The following RASA3 variants were observed in gnomAD, a reference collection of about 807,000 sequenced individuals.
RASA3 encodes RAS p21 protein activator 3.
Under a neutral mutation model 110.0 loss-of-function variants are expected in RASA3, and 73 were observed. The observed-to-expected ratio is 0.66, with a 90% CI of 0.55 to 0.81. The LOEUF is 0.81. Ranked by LOEUF, RASA3 falls within the 30% of genes least tolerant of loss-of-function variation. The pLI is 0.00. For synonymous variants in RASA3, 500 were observed against 451.4 expected (o/e 1.11, Z -1.37); for missense variants, 976 against 1,113.2 (o/e 0.88, Z 1.75).
At chr13:114,113,683 C>T (rs2080245673) in intron 1 of RASA3, among the ~76,000 whole-genome samples, 1 of 96,328 alleles carries the variant, frequency 1.0e-5, no homozygotes, top group Non-Finnish European at 2.1e-5. Flanking sequence ...GAGTGATGTC[C>T]GTACAGCTCA....
intron 8 of RASA3, 51 bp from the exon 9 acceptor site, chr13:114,021,559 G>A (rs2053927926): frequency 6.9e-7 from 1 of 1,453,824 alleles, no homozygotes; most frequent in East Asian, 2.3e-5. Context: ...AGCCCGTGTG[G>A]AGCAAAGATG....
rs1166612067 is a variant in RASA3, at chr13:114,096,686, C to T, written c.56-22849G>A. On this transcript the variant is annotated intron_variant, in intron 1 of 23. Transcript: ENST00000334062. This position sits in a 1 kb window ranked among gnomAD's most constrained non-coding sequence, Gnocchi z 5.1. The stretch of plus-strand genomic sequence containing the variant: ...AATACTGTAGCACCACACTGACTAG[C>T]GTGCGGGTCTCCACCACAGTTATGA... Among the ~76,000 whole-genome samples, 1 of 152,136 alleles carries T rather than the reference C, an allele frequency of 6.6e-6. No individual in the cohort carries two copies. The highest frequency in any genetic ancestry group is 1.5e-5 in the Non-Finnish European group (1 of 68,018).
intron 3 of RASA3, among the ~76,000 whole-genome samples, chr13:114,042,954 C>T (rs901692601): frequency 1.3e-5 from 2 of 152,224 alleles, no homozygotes; most frequent in African/African-American, 2.4e-5. Context: ...TGCCTTCCTG[C>T]CAGCGTTCCT....
rs117129845 is a variant in RASA3, at chr13:114,018,459, G to A, written c.943-207C>T. Among the ~76,000 whole-genome samples, 1,045 of 152,222 alleles carry A rather than the reference G, an allele frequency of 6.9e-3. 11 individuals carry two copies. The highest frequency in any genetic ancestry group is 0.012 in the Non-Finnish European group (846 of 67,994). On this transcript the variant is annotated intron_variant, in intron 10 of 23. Transcript: ENST00000334062. ...AGGGGCATCTGCACCTCCTTCTAGC[G>A]ACCCCCCCATGCAGCCAGCTCTAGG...
At chr13:113,999,448 G>A (rs947785647) in intron 20 of RASA3, 137 bp downstream of exon 20, 42 of 683,268 alleles carry the variant, frequency 6.1e-5, no homozygotes, top group Admixed American at 3.0e-4. Context: ...TGAACAACCC[G>A]AGTAACACGA....
intron 21 of RASA3, among the ~76,000 whole-genome samples, chr13:113,995,943 GGCTAATGGGGGGCCCGGCTGAT>G: frequency 2.0e-5 from 1 of 50,000 alleles, no homozygotes; most frequent in African/African-American, 1.5e-4. Flanking sequence ...GGGGGGGCCC[GGCTAATGGGGGGCCCGGCTGAT>G]GGGGGACCCG....
Position 114,056,931 on chromosome 13 carries a change from C to T in RASA3, c.174-4776G>A, listed in dbSNP as rs1186516331. Reference sequence around the variant, plus strand: ...TGGCTTTAGAACCTTGCTCCTGAATCGCAGCAGGGGAGGCAGCGCTTTGGG... The same window carrying T: ...TGGCTTTAGAACCTTGCTCCTGAATTGCAGCAGGGGAGGCAGCGCTTTGGG... On this transcript the variant is annotated intron_variant, in intron 2 of 23. Coordinates refer to ENST00000334062, the MANE Select transcript of RASA3 (RefSeq NM_007368.4). This position sits in a 1 kb window ranked among gnomAD's most constrained non-coding sequence, Gnocchi z 5.7. Among the ~76,000 whole-genome samples the T allele has an allele frequency of 1.3e-5, 2 of 152,120 alleles. No homozygotes were observed. Among genetic ancestry groups the T allele is most frequent in the South Asian group, 2.1e-4 (1 of 4,818 alleles).
intron 1 of RASA3, among the ~76,000 whole-genome samples, chr13:114,130,557 G>A (rs2080502887): frequency 1.3e-5 from 2 of 151,878 alleles, no homozygotes. Flanking sequence ...TCGGAAGTGG[G>A]GCCGAGTGCC....
rs1042414045 is a variant in RASA3 at position 114,115,566 on chromosome 13, T to G, written c.55+16869A>C. Among the ~76,000 whole-genome samples, 1 of 152,190 alleles carries G rather than the reference T, an allele frequency of 6.6e-6. No individual in the cohort carries two copies. Among genetic ancestry groups the G allele is most frequent in the African/African-American group, 2.4e-5 (1 of 41,432 alleles). ...AGCCGTCGGAGGCAGAGTGCAGGCC[T>G]CGAAGCAGCTGGTCATGTCCACGCC... On this transcript the variant is annotated intron_variant, in intron 1 of 23. Transcript: ENST00000334062. The surrounding 1 kb of genome is among the most constrained non-coding windows in gnomAD (Gnocchi z 5.0).
rs2139017258 is a variant in RASA3 at position 113,979,046 on chromosome 13, G to C, written c.*301C>G. 1 of 432,108 alleles carries C rather than the reference G, an allele frequency of 2.3e-6. No individual in the cohort carries two copies. Among genetic ancestry groups the C allele is most frequent in the South Asian group, 2.5e-5 (1 of 40,376 alleles). The allele number at this position is 432,108 out of a possible 1,614,324, so 26.8% of individuals were successfully genotyped here. On this transcript the variant is annotated 3_prime_UTR_variant, in exon 24 of 24. Coordinates refer to ENST00000334062, the MANE Select transcript of RASA3 (RefSeq NM_007368.4). ...GCTCCCTGAGGCTGGCTGTGGTGTG[G>C]CTAGGGCACAGCCCACACTTCCTGA...
chr13:114,041,172 T>C (rs2054398062), intron 3 of RASA3, 78 bp from the exon 4 acceptor site: 1 of 1,191,390 alleles, frequency 8.4e-7, no homozygotes. Flanking sequence ...AGCCAGCCCA[T>C]CATCACCGCA....
At chr13:114,027,774 G>A in intron 6 of RASA3, 73 bp downstream of exon 6, 1 of 1,441,586 alleles carries the variant, frequency 6.9e-7, no homozygotes. Flanking sequence ...ATGAGGCAGT[G>A]GTCTCGTGAT....
chr13:114,009,733 G>C (rs537594312), intron 16 of RASA3, among the ~76,000 whole-genome samples: 32 of 152,364 alleles, frequency 2.1e-4, no homozygotes, highest in Admixed American at 6.5e-4. Context: ...CCTGGCCCCG[G>C]GCTGTCCCTC....
rs542640904 is a variant in RASA3 at position 114,061,827 on chromosome 13, G to A, written c.174-9672C>T. On this transcript the variant is annotated intron_variant, in intron 2 of 23. Coordinates refer to ENST00000334062, the MANE Select transcript of RASA3 (RefSeq NM_007368.4). The stretch of plus-strand genomic sequence containing the variant: ...AGAGGGTTTCTGGTGCCCTATCCAC[G>A]GAGGCGGCAGTGGGATTCAGCCGTC... Among the ~76,000 whole-genome samples the A allele has an allele frequency of 6.6e-5, 10 of 152,306 alleles. 1 individual carries two copies. The highest frequency in any genetic ancestry group is 3.4e-3 in the Middle Eastern group (1 of 294).
In RASA3 at chr13:113,995,786, AC is replaced by A. The variant is rs1319120330; in HGVS notation, c.2141+744del. Among the ~76,000 whole-genome samples, 52 of 14,730 alleles carry A rather than the reference AC, an allele frequency of 3.5e-3. 11 individuals are homozygous for A. In the African/African-American group the frequency reaches 0.036, roughly 10 times the overall value. 9.7% of individuals were successfully genotyped at this position (14,730 alleles called of 152,430 possible). A position where few individuals can be genotyped will look rare whatever the true frequency, so the allele number is the denominator to read the frequency against. ...GCCCGGCTGACGGGGGGCCCGGCTGACGGGGGGTCCGGCTGATGGGGGTCCG... is the reference window on the plus strand; with the variant it reads ...GCCCGGCTGACGGGGGGCCCGGCTGAGGGGGGTCCGGCTGATGGGGGTCCG... On this transcript the variant is annotated intron_variant, in intron 21 of 23. Transcript: ENST00000334062.
intron 22 of RASA3, 72 bp downstream of exon 22, chr13:113,992,413 A>C: frequency 8.1e-7 from 1 of 1,229,982 alleles, no homozygotes; most frequent in Non-Finnish European, 1.2e-6. Context: ...TTCACCCCAC[A>C]GCATGCTCCT....
intron 1 of RASA3, among the ~76,000 whole-genome samples, chr13:114,121,279 A>T (rs1404575715): frequency 1.3e-5 from 2 of 152,216 alleles, no homozygotes; most frequent in Non-Finnish European, 2.9e-5. Flanking sequence ...TCCTGGGACC[A>T]GGCCCCTGAG....
At position 114,049,951 on chromosome 13, in the gene RASA3, C is replaced by T. The variant is rs141557687; in HGVS notation, c.277+2101G>A. ...CCGCGGGGTCGGAGGCCATCTCCTGCAGCAGGCCCCAGTCCCAGAGGTGGG... is the reference window on the plus strand; with the variant it reads ...CCGCGGGGTCGGAGGCCATCTCCTGTAGCAGGCCCCAGTCCCAGAGGTGGG... On this transcript the variant is annotated intron_variant, in intron 3 of 23. Coordinates refer to ENST00000334062, the MANE Select transcript of RASA3 (RefSeq NM_007368.4). Among the ~76,000 whole-genome samples, 14 of 152,356 alleles carry T rather than the reference C, an allele frequency of 9.2e-5. No homozygotes were observed. The East Asian group carries it at 2.1e-3, about 23-fold the overall frequency.
intron 3 of RASA3, among the ~76,000 whole-genome samples, chr13:114,050,230 A>G (rs922114093): frequency 9.8e-5 from 15 of 152,298 alleles, no homozygotes; most frequent in Admixed American, 2.6e-4. Context: ...CCTCAAGACC[A>G]TCTCACCGAC....
Sources: gnomAD v4.1 joint callset for allele counts (sites outside exome capture counted in the v4.1 genomes callset) on GRCh38, gnomAD v4.1.1 for gene constraint, Gnocchi (gnomAD v3.1) non-coding constraint, MANE v1.5 for transcripts, NCBI Gene and HGNC (gene_info 2026-07-23, HGNC 2026-07-21) for gene names.